Variants in USH2A observed in about 807,000 individuals in gnomAD.
The protein encoded by USH2A is usherin.
In USH2A, 443 loss-of-function variants were observed where a neutral mutation model predicts 538.9. The ratio of observed to expected loss-of-function variants is 0.82; its 90% CI spans 0.76 to 0.89. The LOEUF (loss-of-function observed/expected upper bound fraction) is 0.89. Ranked by LOEUF, USH2A falls within the 40% of genes least tolerant of loss-of-function variation. The pLI is 0.00. For missense variants in USH2A, 6,633 were observed against 6,324.8 expected (o/e 1.05, Z -1.65); for synonymous variants, 2,413 against 2,273.5 (o/e 1.06, Z -1.75).
intron 21 of USH2A, chr1:216,174,675 T>A: frequency 1.0e-6 from 1 of 986,656 alleles, no homozygotes; most frequent in Non-Finnish European, 1.2e-6. Context: ...CTTAGAGAAG[T>A]TATCTTTTCC....
At chr1:216,191,631 A>C (rs759347152) in intron 19 of USH2A, among the ~76,000 whole-genome samples, 2 of 151,968 alleles carry the variant, frequency 1.3e-5, no homozygotes, top group African/African-American at 2.4e-5. Context: ...TGAAGATACA[A>C]ACTTTTCTGT....
At chr1:216,096,991 T>C in intron 22 of USH2A, 92 bp downstream of exon 22, 1 of 1,293,886 alleles carries the variant, frequency 7.7e-7, no homozygotes, top group Non-Finnish European at 1.1e-6. Context: ...AAGGTTTGAA[T>C]GAAGATTCAG....
intron 56 of USH2A, among the ~76,000 whole-genome samples, chr1:215,764,024 G>A (rs955060638): frequency 5.3e-5 from 8 of 152,118 alleles, no homozygotes; most frequent in African/African-American, 1.9e-4. Context: ...GTAGAGTGGA[G>A]TGGAAGAATT....
intron 56 of USH2A, among the ~76,000 whole-genome samples, chr1:215,761,478 G>C (rs1311621100): frequency 6.6e-6 from 1 of 152,024 alleles, no homozygotes; most frequent in South Asian, 2.1e-4. Flanking sequence ...CTCTTACTTT[G>C]ATGCAAAGTT....
At chr1:216,186,235 A>AC (rs2034598905) in intron 20 of USH2A, among the ~76,000 whole-genome samples, 1 of 151,710 alleles carries the variant, frequency 6.6e-6, no homozygotes, top group Non-Finnish European at 1.5e-5. Context: ...AAAAAAAAAA[A>AC]ACACATTTGA....
At chr1:215,990,928 A>AT (rs1667990272) in intron 35 of USH2A, among the ~76,000 whole-genome samples, 1 of 151,634 alleles carries the variant, frequency 6.6e-6, no homozygotes, top group South Asian at 2.1e-4. Context: ...TGCCCGGCTA[A>AT]TTTTTTGTAT....
intron 20 of USH2A, among the ~76,000 whole-genome samples, chr1:216,177,391 C>T (rs1187308539): frequency 6.6e-6 from 1 of 152,132 alleles, no homozygotes; most frequent in Non-Finnish European, 1.5e-5. Context: ...ACGCTATTTT[C>T]TATTTTTAAA....
intron 49 of USH2A, 90 bp from the exon 50 acceptor site, chr1:215,799,215 T>C: frequency 1.5e-6 from 2 of 1,358,500 alleles, no homozygotes; most frequent in Non-Finnish European, 2.1e-6. Flanking sequence ...ATCTTGCAGA[T>C]CCCAACTGAT....
At chr1:215,976,610 T>G (rs1343905221) in intron 35 of USH2A, among the ~76,000 whole-genome samples, 1 of 152,150 alleles carries the variant, frequency 6.6e-6, no homozygotes, top group East Asian at 1.9e-4. Flanking sequence ...TGATGAATCA[T>G]GTTTTTAAAT....
chr1:216,121,745 GT>G (rs2033142524), intron 21 of USH2A, among the ~76,000 whole-genome samples: 1 of 152,180 alleles, frequency 6.6e-6, no homozygotes, highest in African/African-American at 2.4e-5. Context: ...TTTTGGCTGA[GT>G]GAGCCCAATG....
intron 20 of USH2A, among the ~76,000 whole-genome samples, chr1:216,180,509 G>T (rs1479429951): frequency 6.6e-6 from 1 of 151,972 alleles, no homozygotes; most frequent in Non-Finnish European, 1.5e-5. Flanking sequence ...ATTTAGACTT[G>T]CAAAATTTAT....
In USH2A at chr1:216,324,281, A is replaced by G. The variant is rs745587883; in HGVS notation, c.1215T>C (p.Asn405=). ...TEIRIQRKKE[N]SLDWEDWQYF... ...ATTGCCAGTCCTCCCAATCTAAACTATTTTCCTTCTTCCTTTGAATCCTTA... is the reference window on the plus strand; with the variant it reads ...ATTGCCAGTCCTCCCAATCTAAACTGTTTTCCTTCTTCCTTTGAATCCTTA... Residue 405 remains asparagine (N), a synonymous_variant, in exon 7 of 72, where the codon AAT becomes AAC. Transcript: ENST00000307340. 13 of 1,613,232 alleles carry G rather than the reference A, an allele frequency of 8.1e-6. No individual in the cohort carries two copies. The South Asian group carries it at 1.4e-4, about 18-fold the overall frequency.
At chr1:215,719,903 G>A (rs1659603160) in intron 61 of USH2A, among the ~76,000 whole-genome samples, 1 of 152,178 alleles carries the variant, frequency 6.6e-6, no homozygotes, top group Non-Finnish European at 1.5e-5. Context: ...AGCACTTAGT[G>A]AAGAATTGAT....
intron 41 of USH2A, chr1:215,886,774 G>A (rs1665067018): frequency 6.6e-6 from 1 of 152,308 alleles, no homozygotes; most frequent in South Asian, 2.1e-4. Context: ...TGAAGAAAAA[G>A]CCAGGCAAGC....
intron 41 of USH2A, among the ~76,000 whole-genome samples, chr1:215,881,333 T>G (rs1483901033): frequency 2.0e-5 from 3 of 152,058 alleles, no homozygotes; most frequent in African/African-American, 4.8e-5. Flanking sequence ...TAGAGAGGGG[T>G]TCTGCCATGT....
chr1:215,643,663 C>T (rs1017854872), intron 67 of USH2A, among the ~76,000 whole-genome samples: 1 of 151,716 alleles, frequency 6.6e-6, no homozygotes, highest in African/African-American at 2.4e-5. Context: ...GTAGCTGGGA[C>T]TACAGGCGCA....
chr1:215,650,688 G>C lies in USH2A; in HGVS notation c.14247C>G (p.Thr4749=), dbSNP rs764279038. 4 of 1,613,988 alleles carry C rather than the reference G, an allele frequency of 2.5e-6. No homozygotes were observed. Among genetic ancestry groups the C allele is most frequent in the Non-Finnish European group, 3.4e-6 (4 of 1,179,992 alleles). The part of the protein sequence containing the change: ...RAPTFHVISS[T]QAVVNISAPG... ...GGGCACTGATGTTGACCACTGCTTG[G>C]GTAGAAGAGATCACATGGAACGTGG... The change falls in exon 65 of 72, where the codon ACC becomes ACG. Residue 4749 remains threonine (T), a synonymous_variant. Transcript: ENST00000307340.
chr1:216,019,651 TAA>T (rs927909818), intron 32 of USH2A, among the ~76,000 whole-genome samples: 1 of 152,160 alleles, frequency 6.6e-6, no homozygotes, highest in African/African-American at 2.4e-5. Flanking sequence ...AATTTTGTGA[TAA>T]AATTGTCTGC....
chr1:215,779,750 CAT>C, intron 55 of USH2A, 91 bp downstream of exon 55: 2 of 1,464,368 alleles, frequency 1.4e-6, no homozygotes, highest in Non-Finnish European at 9.4e-7. Context: ...GAAGTGACCT[CAT>C]ATATCAAACA....
Sources: allele counts gnomAD v4.1 joint callset (sites outside exome capture counted in the v4.1 genomes callset), GRCh38; gene constraint gnomAD v4.1.1; transcripts MANE v1.5; gene names NCBI Gene and HGNC (gene_info 2026-07-23, HGNC 2026-07-21).